DPYD: variants seen among roughly 807,000 people sequenced by gnomAD.
The protein encoded by DPYD is dihydropyrimidine dehydrogenase [NADP(+)].
In DPYD, 109 loss-of-function variants were observed where a neutral mutation model predicts 116.2. The observed-to-expected ratio is 0.94, with a 90% CI of 0.80 to 1.10. The LOEUF (loss-of-function observed/expected upper bound fraction) is 1.10. DPYD is among the 50% of genes least tolerant of loss of function. The pLI, the probability that DPYD is intolerant of heterozygous loss-of-function variation, is 0.00. For synonymous variants in DPYD, 440 were observed against 432.0 expected, an observed-to-expected ratio of 1.02 and a Z score of -0.23; for missense variants, 1,302 against 1,254.5, an observed-to-expected ratio of 1.04 and a Z score of -0.57.
At chr1:97,195,016 A>T (rs889224254) in intron 19 of DPYD, among the ~76,000 whole-genome samples, 1 of 152,144 alleles carries the variant, frequency 6.6e-6, no homozygotes, top group Non-Finnish European at 1.5e-5. Flanking sequence ...TAGGTTGCTT[A>T]TTTCCAAAGA....
chr1:97,158,867 CTG>C (rs985485764), intron 20 of DPYD, among the ~76,000 whole-genome samples: 1 of 152,122 alleles, frequency 6.6e-6, no homozygotes, highest in Non-Finnish European at 1.5e-5. Flanking sequence ...ATTGAAATAA[CTG>C]TACAGATATT....
intron 3 of DPYD, among the ~76,000 whole-genome samples, chr1:97,802,821 A>G (rs527805021): frequency 2.0e-5 from 3 of 151,878 alleles, no homozygotes; most frequent in Non-Finnish European, 4.4e-5. Context: ...AAGTAATTTC[A>G]GACTATTTTT....
rs186022193 is a variant in DPYD, at chr1:97,744,792, A to G, written c.234-4313T>C. 9.9e-5 allele frequency among the ~76,000 whole-genome samples: 15 copies of G among 152,136 alleles called. No homozygotes were observed. The East Asian group carries it at 2.9e-3, about 29-fold the overall frequency. On this transcript the variant is annotated intron_variant, in intron 3 of 22. Transcript: ENST00000370192. The stretch of plus-strand genomic sequence containing the variant: ...AAATACATAATTTAATATCTTCCTC[A>G]GTGGTGCAACATGTCTACTGAAAAC...
intron 14 of DPYD, among the ~76,000 whole-genome samples, chr1:97,407,683 G>A (rs1243422189): frequency 2.0e-5 from 3 of 152,042 alleles, no homozygotes; most frequent in Admixed American, 1.3e-4. Context: ...TCCAATACAC[G>A]GTACTCTTCC....
intron 19 of DPYD, among the ~76,000 whole-genome samples, chr1:97,222,316 G>C (rs547309857): frequency 6.6e-6 from 1 of 152,176 alleles, no homozygotes; most frequent in African/African-American, 2.4e-5. Context: ...CTATACGCCT[G>C]CAAACATCTT....
chr1:97,305,284 C>T lies in DPYD; in HGVS notation c.2274G>A (p.Lys758=), dbSNP rs2101035759. Reference sequence around the variant, plus strand: ...CAGACACTCCTCCATATGTAGTTCGCTTTGCAATCCCCACTGCTGGCCAAG... The same window carrying T: ...CAGACACTCCTCCATATGTAGTTCGTTTTGCAATCCCCACTGCTGGCCAAG... The part of the protein sequence containing the change: ...GTPWPAVGIA[K]RTTYGGVSGT... The change falls in exon 18 of 23, where the codon AAG becomes AAA. Residue 758 remains lysine (K), a synonymous_variant. Coordinates refer to ENST00000370192, the MANE Select transcript of DPYD (RefSeq NM_000110.4). 2 of 1,612,432 alleles carry T rather than the reference C, an allele frequency of 1.2e-6. No individual in the cohort carries two copies. Among genetic ancestry groups the T allele is most frequent in the Non-Finnish European group, 1.7e-6 (2 of 1,178,932 alleles).
At chr1:97,455,357 TTTCTTAAC>T (rs1197700307) in intron 13 of DPYD, among the ~76,000 whole-genome samples, 1 of 151,948 alleles carries the variant, frequency 6.6e-6, no homozygotes, top group African/African-American at 2.4e-5. Flanking sequence ...TTTGTTTTGT[TTTCTTAAC>T]TTCCAAGATT....
chr1:97,399,664 A>T (rs1310824578), intron 14 of DPYD, among the ~76,000 whole-genome samples: 1 of 152,104 alleles, frequency 6.6e-6, no homozygotes, highest in Non-Finnish European at 1.5e-5. Flanking sequence ...GGTCCTTCAC[A>T]TCCCTTGTAA....
At chr1:97,513,879 C>A (rs559982931) in intron 13 of DPYD, among the ~76,000 whole-genome samples, 1 of 151,940 alleles carries the variant, frequency 6.6e-6, no homozygotes, top group East Asian at 1.9e-4. Context: ...GACTACTCTG[C>A]AAAATCACGT....
chr1:97,386,234 G>T (rs1158605224), intron 14 of DPYD, among the ~76,000 whole-genome samples: 1 of 152,112 alleles, frequency 6.6e-6, no homozygotes, highest in East Asian at 1.9e-4. Context: ...ATAGGAATTA[G>T]GTACTCTGCT....
intron 8 of DPYD, among the ~76,000 whole-genome samples, chr1:97,620,652 A>T (rs1187900881): frequency 6.6e-6 from 1 of 152,186 alleles, no homozygotes; most frequent in East Asian, 1.9e-4. Context: ...GGATATCTGG[A>T]CAGGAATCCA....
chr1:97,268,177 G>A (rs1269725926), intron 18 of DPYD, among the ~76,000 whole-genome samples: 1 of 152,154 alleles, frequency 6.6e-6, no homozygotes, highest in African/African-American at 2.4e-5. Flanking sequence ...ACACACTGGG[G>A]CAGGGGTTGG....
At chr1:97,332,094 G>T (rs1248806751) in intron 16 of DPYD, among the ~76,000 whole-genome samples, 2 of 152,126 alleles carry the variant, frequency 1.3e-5, no homozygotes, top group East Asian at 3.9e-4. Context: ...GGAACACTGA[G>T]AATTCCGTTG....
intron 3 of DPYD, among the ~76,000 whole-genome samples, chr1:97,812,359 G>A (rs1214514835): frequency 1.3e-5 from 2 of 152,062 alleles, no homozygotes; most frequent in Non-Finnish European, 2.9e-5. Flanking sequence ...ATTGTTTTTA[G>A]TAACTACAAT....
chr1:97,242,651 T>C (rs1008239024), intron 18 of DPYD, among the ~76,000 whole-genome samples: 1 of 151,772 alleles, frequency 6.6e-6, no homozygotes, highest in Admixed American at 6.6e-5. Flanking sequence ...GTAGTAAAAA[T>C]ATCTATTTTT....
At chr1:97,300,531 AG>A (rs998299380) in intron 18 of DPYD, among the ~76,000 whole-genome samples, 2 of 152,142 alleles carry the variant, frequency 1.3e-5, no homozygotes, top group Admixed American at 6.6e-5. Context: ...GTGTGGTGTA[AG>A]AACTTAAAGC....
rs148411501 is a variant in DPYD, at chr1:97,278,317, CTG to C, written c.2299+26940_2299+26941del. On this transcript the variant is annotated intron_variant, in intron 18 of 22. Transcript: ENST00000370192. Reference sequence around the variant, plus strand: ...AGTAATGCGCCAGTCTATAACAAATCTGTGTTTTTGATAATCTAATTTTTAAA... The same window carrying C: ...AGTAATGCGCCAGTCTATAACAAATCTGTTTTTGATAATCTAATTTTTAAA... Among the ~76,000 whole-genome samples the C allele has an allele frequency of 2.7e-3, 415 of 152,274 alleles. 2 individuals carry two copies. The highest frequency in any genetic ancestry group is 9.4e-3 in the African/African-American group (392 of 41,560).
intron 10 of DPYD, among the ~76,000 whole-genome samples, chr1:97,583,853 G>A (rs1332460795): frequency 6.6e-6 from 1 of 151,888 alleles, no homozygotes; most frequent in African/African-American, 2.4e-5. Flanking sequence ...TTGCTATTGT[G>A]AATAGTGCCG....
intron 18 of DPYD, among the ~76,000 whole-genome samples, chr1:97,265,162 C>G (rs1434532101): frequency 2.0e-5 from 3 of 152,100 alleles, no homozygotes; most frequent in African/African-American, 7.2e-5. Context: ...AATTCCCAAG[C>G]TCATGGTAGT....
Sources: allele counts gnomAD v4.1 joint callset (sites outside exome capture counted in the v4.1 genomes callset), GRCh38; gene constraint gnomAD v4.1.1; transcripts MANE v1.5; gene names NCBI Gene and HGNC (gene_info 2026-07-23, HGNC 2026-07-21).